The following THRAP3 variants were observed in gnomAD, a reference collection of about 807,000 sequenced individuals.
THRAP3 encodes the protein thyroid hormone receptor associated protein 3, also known as thyroid hormone receptor-associated protein 3.
In THRAP3, 16 loss-of-function variants were observed where a neutral mutation model predicts 101.0. The observed-to-expected ratio is 0.16, with a 90% CI of 0.11 to 0.24. THRAP3 has a LOEUF of 0.24. Among genes scored for constraint, THRAP3 ranks in the 10% least tolerant of loss-of-function variants. The probability of loss-of-function intolerance (pLI) is 1.00; values close to 1 mark genes in which losing one functional copy is unlikely to be tolerated. For synonymous variants in THRAP3, 407 were observed against 422.6 expected (o/e 0.96, Z 0.45); for missense variants, 989 against 1,202.7 (o/e 0.82, Z 2.63).
At position 36,268,624 on chromosome 1, in the gene THRAP3, T is replaced by C. The variant is rs1645545592; in HGVS notation, c.-32+9140T>C. On this transcript the variant is annotated intron_variant, in intron 2 of 11. Transcript: ENST00000354618. ...CTCAAGCGATACTCCTGTCTCAGCT[T>C]CCATAGTACGAGGGACCATAGACAC... Among the ~76,000 whole-genome samples the C allele has an allele frequency of 2.0e-5, 3 of 152,180 alleles. No individual in the cohort carries two copies. The South Asian group carries it at 6.2e-4, about 32-fold the overall frequency.
chr1:36,276,638 C>T (rs893478663), intron 2 of THRAP3, among the ~76,000 whole-genome samples: 3 of 152,116 alleles, frequency 2.0e-5, no homozygotes, highest in African/African-American at 7.2e-5. Context: ...AGGCAGATCA[C>T]CTGAGGTCAG....
chr1:36,218,585 G>A, the THRAP3 span, among the ~76,000 whole-genome samples: 4 of 151,396 alleles, frequency 2.6e-5, no homozygotes, highest in African/African-American at 9.7e-5. Flanking sequence ...AGCCAGGCGT[G>A]GTGGCAGGCA....
chr1:36,224,571 T>G (rs562519263), intron 1 of THRAP3, 66 bp downstream of exon 1: 3 of 152,598 alleles, frequency 2.0e-5, no homozygotes, highest in African/African-American at 7.2e-5. Context: ...GTCTCTTATC[T>G]TTTTTCCCCA....
At position 36,303,556 on chromosome 1, in the gene THRAP3, C is replaced by G. The variant is rs181646616; in HGVS notation, c.2647-240C>G. On this transcript the variant is annotated intron_variant, in intron 11 of 11. Coordinates refer to ENST00000354618, the MANE Select transcript of THRAP3 (RefSeq NM_005119.4). Reference sequence around the variant, plus strand: ...TCAGTGAATCATCATCATTGTCAATCATCGTTACAATGCCCAAGCTGTTAC... The same window carrying G: ...TCAGTGAATCATCATCATTGTCAATGATCGTTACAATGCCCAAGCTGTTAC... Among the ~76,000 whole-genome samples, 489 of 152,250 alleles carry G rather than the reference C, an allele frequency of 3.2e-3. 5 individuals carry two copies. The highest frequency in any genetic ancestry group is 0.011 in the African/African-American group (470 of 41,542).
chr1:36,208,316 C>G, the THRAP3 span, among the ~76,000 whole-genome samples: 1 of 152,158 alleles, frequency 6.6e-6, no homozygotes. Context: ...GATGAGAAAA[C>G]TAAGGCTCAG....
chr1:36,285,656 T>G (rs1645786056), intron 3 of THRAP3, among the ~76,000 whole-genome samples: 1 of 152,212 alleles, frequency 6.6e-6, no homozygotes, highest in Admixed American at 6.5e-5. Context: ...TTGTGGCACC[T>G]AGTTAAGATC....
At chr1:36,293,026 G>GTTTTTTTTTTTTT (rs1557454287) in intron 7 of THRAP3, among the ~76,000 whole-genome samples, 4 of 19,686 alleles carry the variant, frequency 2.0e-4, no homozygotes, top group Non-Finnish European at 6.3e-4. Flanking sequence ...TTCTTTTCTT[G>GTTTTTTTTTTTTT]TCTTTTTTTT....
At chr1:36,287,307 A>G (rs761633156) in intron 4 of THRAP3, 37 bp downstream of exon 4, 3 of 1,544,216 alleles carry the variant, frequency 1.9e-6, no homozygotes, top group Non-Finnish European at 1.7e-6. Context: ...TTGTGTTTTT[A>G]TCTCACTAGC....
At chr1:36,212,785 CT>C in the THRAP3 span, among the ~76,000 whole-genome samples, 1 of 152,202 alleles carries the variant, frequency 6.6e-6, no homozygotes, top group Non-Finnish European at 1.5e-5. Flanking sequence ...AGGTGCTGAA[CT>C]GGCAGAGCAA....
chr1:36,230,118 T>G (rs1237606306), intron 1 of THRAP3, among the ~76,000 whole-genome samples: 1 of 149,138 alleles, frequency 6.7e-6, no homozygotes, highest in African/African-American at 2.5e-5. Context: ...CCACACCTGG[T>G]TAATTTTTTT....
At chr1:36,274,092 ACACACAC>A (rs1645625966) in intron 2 of THRAP3, among the ~76,000 whole-genome samples, 1 of 144,104 alleles carries the variant, frequency 6.9e-6, no homozygotes, top group African/African-American at 2.9e-5. Context: ...ACACACACAC[ACACACAC>A]ACACACACAG....
the THRAP3 span, among the ~76,000 whole-genome samples, chr1:36,210,116 C>A: frequency 6.6e-6 from 1 of 151,628 alleles, no homozygotes; most frequent in African/African-American, 2.4e-5. Flanking sequence ...CCTGTAATCC[C>A]AGCACTTTGG....
At chr1:36,284,085 T>A (rs1645766780) in intron 3 of THRAP3, among the ~76,000 whole-genome samples, 2 of 152,216 alleles carry the variant, frequency 1.3e-5, no homozygotes, top group Admixed American at 6.5e-5. Flanking sequence ...AAATTTAATC[T>A]AGTAACTAGA....
In THRAP3 at chr1:36,289,223, C is replaced by T. The variant is rs754311189; in HGVS notation, c.1204C>T (p.Pro402Ser). The T allele has an allele frequency of 1.2e-6, 2 of 1,614,018 alleles. No homozygotes were observed. The highest frequency in any genetic ancestry group is 1.7e-6 in the Non-Finnish European group (2 of 1,180,006). The change falls in exon 5 of 12, where the codon CCT becomes TCT. Residue 402 changes from proline (P) to serine (S), a missense_variant. Physicochemically the swap from Pro to Ser is moderately conservative, Grantham distance 74. Coordinates refer to ENST00000354618, the MANE Select transcript of THRAP3 (RefSeq NM_005119.4). ...SFAPKTDSEKPFRGSQSPKRY... is the reference protein window; with the variant it reads ...SFAPKTDSEKSFRGSQSPKRY... ...TGCTCCCAAAACTGATTCTGAGAAG[C>T]CTTTTCGGGGCAGTCAGTCTCCCAA...
chr1:36,264,236 A>G (rs1645484599), intron 2 of THRAP3, among the ~76,000 whole-genome samples: 1 of 152,216 alleles, frequency 6.6e-6, no homozygotes, highest in African/African-American at 2.4e-5. Context: ...GTTTACTCCC[A>G]GGGAAGTTCC....
At chr1:36,234,569 A>G (rs753395475) in intron 1 of THRAP3, among the ~76,000 whole-genome samples, 1 of 152,178 alleles carries the variant, frequency 6.6e-6, no homozygotes, top group Non-Finnish European at 1.5e-5. Flanking sequence ...TAGTAAAGAT[A>G]AAGAGGAACC....
intron 1 of THRAP3, among the ~76,000 whole-genome samples, chr1:36,241,670 C>T (rs981015462): frequency 4.0e-5 from 6 of 151,154 alleles, no homozygotes; most frequent in African/African-American, 1.5e-4. Flanking sequence ...TCTCCACCTC[C>T]TGGGTTCAAG....
At chr1:36,229,421 T>C (rs1262532192) in intron 1 of THRAP3, among the ~76,000 whole-genome samples, 1 of 44,902 alleles carries the variant, frequency 2.2e-5, no homozygotes, top group African/African-American at 6.8e-5. Context: ...TGTTTTTTTT[T>C]TGTTTTTTTT....
Position 36,248,001 on chromosome 1 carries a change from C to T in THRAP3, c.-134-11381C>T, listed in dbSNP as rs369102404. ...TTCAAGCGATTTTCCTGCCTCAGCC[C>T]CCCGAGTAGCTGGGATTACAGGCAC... On this transcript the variant is annotated intron_variant, in intron 1 of 11. Transcript: ENST00000354618. Among the ~76,000 whole-genome samples, 14 of 151,440 alleles carry T rather than the reference C, an allele frequency of 9.2e-5. 2 individuals carry two copies. Among genetic ancestry groups the T allele is most frequent in the African/African-American group, 3.1e-4 (13 of 41,276 alleles).
Sources: gnomAD v4.1 joint callset for allele counts (sites outside exome capture counted in the v4.1 genomes callset) on GRCh38, gnomAD v4.1.1 for gene constraint, MANE v1.5 for transcripts, NCBI Gene and HGNC (gene_info 2026-07-23, HGNC 2026-07-21) for gene names.